The following TFEC variants were observed in gnomAD, a reference collection of about 807,000 sequenced individuals.
TFEC encodes transcription factor EC, also known as class E basic helix-loop-helix protein 34.
In TFEC, 31 loss-of-function variants were observed where a neutral mutation model predicts 41.6. The observed-to-expected ratio is 0.74, with a 90% CI of 0.56 to 1.01. The LOEUF (loss-of-function observed/expected upper bound fraction) is 1.01. Ranked by LOEUF, TFEC falls within the 50% of genes least tolerant of loss-of-function variation. TFEC has a pLI of 0.00. For missense variants in TFEC, 402 were observed against 404.1 expected, an observed-to-expected ratio of 0.99 and a Z score of 0.04; for synonymous variants, 143 against 140.6, an observed-to-expected ratio of 1.02 and a Z score of -0.12.
chr7:115,955,735 A>C (rs938022970), intron 4 of TFEC, among the ~76,000 whole-genome samples: 2 of 152,092 alleles, frequency 1.3e-5, no homozygotes, highest in African/African-American at 2.4e-5. Context: ...GTTATGCAAC[A>C]AAAATAATAC....
Position 115,935,427 on chromosome 7 carries a change from A to G in TFEC, c.*5124T>C, listed in dbSNP as rs1284579938. 1 of 152,126 alleles carries G rather than the reference A, an allele frequency of 6.6e-6. No homozygotes were observed. The highest frequency in any genetic ancestry group is 1.5e-5 in the Non-Finnish European group (1 of 67,662). The allele number at this position is 152,126 out of a possible 1,614,324, so 9.4% of individuals were successfully genotyped here. A position where few individuals can be genotyped will look rare whatever the true frequency, so the allele number is the denominator to read the frequency against. ...GTATATGTAAAACACTATTAAAGTC[A>G]AAGATTTTTAACTACATAATAATTA... On this transcript the variant is annotated 3_prime_UTR_variant, in exon 8 of 8. Coordinates refer to ENST00000265440, the MANE Select transcript of TFEC (RefSeq NM_012252.4).
intron 3 of TFEC, among the ~76,000 whole-genome samples, chr7:116,105,260 A>C (rs748999249): frequency 6.6e-6 from 1 of 152,228 alleles, no homozygotes; most frequent in Non-Finnish European, 1.5e-5. Context: ...CAAAACCACT[A>C]GTACATATGC....
chr7:116,146,409 A>T (rs1798641606), intron 1 of TFEC, among the ~76,000 whole-genome samples: 1 of 152,220 alleles, frequency 6.6e-6, no homozygotes. Context: ...CTATGGAGAT[A>T]CCTGCCTATT....
intron 1 of TFEC, among the ~76,000 whole-genome samples, chr7:116,127,206 C>T (rs1798230225): frequency 6.6e-6 from 1 of 152,036 alleles, no homozygotes; most frequent in Non-Finnish European, 1.5e-5. Flanking sequence ...CGCCATTCTC[C>T]TGCCTCAGCC....
At chr7:116,047,667 CAG>C (rs1796202479) in intron 3 of TFEC, among the ~76,000 whole-genome samples, 1 of 152,198 alleles carries the variant, frequency 6.6e-6, no homozygotes, top group African/African-American at 2.4e-5. Flanking sequence ...TCTCCCAGCA[CAG>C]AGTTTGAGAT....
intron 1 of TFEC, among the ~76,000 whole-genome samples, chr7:115,989,755 A>G (rs1052972543): frequency 6.6e-6 from 1 of 152,174 alleles, no homozygotes; most frequent in African/African-American, 2.4e-5. Flanking sequence ...AGTGCACCAC[A>G]GCTCAAGGAG....
At chr7:116,105,118 G>A (rs903399292) in intron 3 of TFEC, among the ~76,000 whole-genome samples, 1 of 152,070 alleles carries the variant, frequency 6.6e-6, no homozygotes, top group African/African-American at 2.4e-5. Context: ...GAATGCCAAT[G>A]CTGGAAAAAG....
chr7:116,074,809 C>T (rs1344297588), intron 3 of TFEC, among the ~76,000 whole-genome samples: 1 of 152,076 alleles, frequency 6.6e-6, no homozygotes, highest in African/African-American at 2.4e-5. Flanking sequence ...CATACAAAAA[C>T]TTCTACACAT....
chr7:116,142,808 A>G (rs1274883921), intron 1 of TFEC, among the ~76,000 whole-genome samples: 5 of 152,188 alleles, frequency 3.3e-5, no homozygotes, highest in African/African-American at 1.2e-4. Context: ...CTGTATCTTT[A>G]TAATAAATTC....
chr7:116,023,593 C>T (rs1469323902), intron 1 of TFEC, among the ~76,000 whole-genome samples: 1 of 152,134 alleles, frequency 6.6e-6, no homozygotes, highest in Admixed American at 6.6e-5. Flanking sequence ...AACTCACCCT[C>T]AGAGGGTGTA....
chr7:115,959,113 T>G (rs1032643427), intron 3 of TFEC, among the ~76,000 whole-genome samples: 1 of 151,850 alleles, frequency 6.6e-6, no homozygotes, highest in African/African-American at 2.4e-5. Flanking sequence ...GAAATATTTA[T>G]TATGATATTT....
At chr7:116,072,292 G>A (rs1341155051) in intron 3 of TFEC, among the ~76,000 whole-genome samples, 1 of 151,236 alleles carries the variant, frequency 6.6e-6, no homozygotes, top group South Asian at 2.1e-4. Context: ...TTTTATTTTT[G>A]AATATTAAGT....
At chr7:116,066,037 T>C (rs1406225580) in intron 3 of TFEC, among the ~76,000 whole-genome samples, 2 of 152,122 alleles carry the variant, frequency 1.3e-5, no homozygotes, top group Non-Finnish European at 1.5e-5. Flanking sequence ...TGGAAACAAT[T>C]TAAAGTAAGA....
intron 3 of TFEC, among the ~76,000 whole-genome samples, chr7:116,102,031 C>G (rs1489530211): frequency 6.6e-6 from 1 of 152,132 alleles, no homozygotes; most frequent in Non-Finnish European, 1.5e-5. Context: ...GATATTCGTC[C>G]TATCACATGT....
At chr7:116,098,407 C>G (rs1584513202) in intron 3 of TFEC, among the ~76,000 whole-genome samples, 1 of 152,106 alleles carries the variant, frequency 6.6e-6, no homozygotes, top group Middle Eastern at 3.4e-3. Flanking sequence ...CAGCCGCAAC[C>G]AAGAATAACT....
chr7:115,947,365 T>C (rs1312179597), intron 6 of TFEC, among the ~76,000 whole-genome samples: 1 of 151,412 alleles, frequency 6.6e-6, no homozygotes, highest in Non-Finnish European at 1.5e-5. Flanking sequence ...TTGTGAATAA[T>C]GCTGCAATAA....
chr7:116,092,706 C>T (rs1021121948), intron 3 of TFEC, among the ~76,000 whole-genome samples: 42 of 152,116 alleles, frequency 2.8e-4, no homozygotes, highest in African/African-American at 9.9e-4. Context: ...TTTGTTTGGG[C>T]ATTCTCCACC....
intron 3 of TFEC, among the ~76,000 whole-genome samples, chr7:116,073,649 G>T (rs534319010): frequency 6.6e-6 from 1 of 151,804 alleles, no homozygotes; most frequent in Admixed American, 6.6e-5. Context: ...AATTCATATG[G>T]AAAGTCAATG....
chr7:116,125,482 A>G (rs1200863676), intron 1 of TFEC, among the ~76,000 whole-genome samples: 1 of 152,230 alleles, frequency 6.6e-6, no homozygotes, highest in African/African-American at 2.4e-5. Flanking sequence ...ATTTTTGAGC[A>G]GCTAAGACCA....
Sources: allele counts gnomAD v4.1 joint callset (sites outside exome capture counted in the v4.1 genomes callset), GRCh38; gene constraint gnomAD v4.1.1; transcripts MANE v1.5; gene names NCBI Gene and HGNC (gene_info 2026-07-23, HGNC 2026-07-21).